RORC: variants seen among roughly 807,000 people sequenced by gnomAD.
The protein encoded by RORC is RAR related orphan receptor C, also known as nuclear receptor ROR-gamma.
Under a neutral mutation model 64.5 loss-of-function variants are expected in RORC, and 13 were observed. The observed-to-expected ratio is 0.20, with a 90% confidence interval of 0.13 to 0.32. RORC has a LOEUF of 0.32. Ranked by LOEUF, RORC falls within the 10% of genes least tolerant of loss-of-function variation. The pLI, the probability that RORC is intolerant of heterozygous loss-of-function variation, is 1.00. For synonymous variants in RORC, 277 were observed against 259.3 expected (o/e 1.07, Z -0.65); for missense variants, 468 against 669.5 (o/e 0.70, Z 3.32).
chr1:151,828,867 T>C (rs961511588), intron 2 of RORC, among the ~76,000 whole-genome samples: 6 of 152,060 alleles, frequency 3.9e-5, no homozygotes, highest in East Asian at 1.9e-4. Flanking sequence ...TAGTCCCAGC[T>C]ACTCGAGAGG....
chr1:151,831,238 A>C, intron 1 of RORC: 4 of 646,122 alleles, frequency 6.2e-6, no homozygotes, highest in Non-Finnish European at 9.1e-6. Context: ...ACACTCCCCA[A>C]GTCTGTCACT....
intron 8 of RORC, 54 bp downstream of exon 8, chr1:151,813,185 C>T: frequency 1.9e-6 from 3 of 1,559,278 alleles, no homozygotes; most frequent in Non-Finnish European, 2.7e-6. Flanking sequence ...GGTCACAAAG[C>T]TTTGCCTGGG....
At chr1:151,824,217 C>T (rs1224634660) in intron 2 of RORC, among the ~76,000 whole-genome samples, 1 of 152,110 alleles carries the variant, frequency 6.6e-6, no homozygotes, top group African/African-American at 2.4e-5. Context: ...CTGTAAATGT[C>T]CAAGTGAGAA....
intron 10 of RORC, 53 bp downstream of exon 10, chr1:151,811,272 G>T: frequency 1.7e-6 from 2 of 1,206,664 alleles, no homozygotes; most frequent in Non-Finnish European, 2.4e-6. Flanking sequence ...AAACTCTGAT[G>T]TTACAGAGCT....
chr1:151,831,423 G>A (rs1298890094), intron 1 of RORC, among the ~76,000 whole-genome samples: 1 of 152,092 alleles, frequency 6.6e-6, no homozygotes, highest in Admixed American at 6.5e-5. Context: ...GCTGGGTCTA[G>A]ATCTGGCTCC....
At chr1:151,815,471 G>A in intron 4 of RORC, 46 bp from the exon 5 acceptor site, 1 of 1,509,900 alleles carries the variant, frequency 6.6e-7, no homozygotes, top group Non-Finnish European at 8.9e-7. Flanking sequence ...AGGAGAACAT[G>A]GCACAGGGCA....
intron 2 of RORC, among the ~76,000 whole-genome samples, chr1:151,821,706 T>C (rs1158289633): frequency 2.6e-5 from 4 of 152,142 alleles, no homozygotes; most frequent in African/African-American, 9.7e-5. Flanking sequence ...TTAAGCTATA[T>C]ACTTTATGAG....
chr1:151,821,139 G>A (rs1021563060), intron 2 of RORC, among the ~76,000 whole-genome samples: 1 of 152,222 alleles, frequency 6.6e-6, no homozygotes. Flanking sequence ...ACAGCTGTGA[G>A]ATTCAATGAT....
intron 2 of RORC, among the ~76,000 whole-genome samples, chr1:151,825,151 G>A (rs1282571437): frequency 6.6e-6 from 1 of 152,172 alleles, no homozygotes; most frequent in African/African-American, 2.4e-5. Context: ...TGTTGGCCCA[G>A]GGCTCCAAGC....
rs969150976 is a variant in RORC at position 151,830,288 on chromosome 1, C to T, written c.41-830G>A. ...TGGGCAGTAGGGAGCATGAGTGGGT[C>T]GATGGGGGTCACATGGATACTCGGA... On this transcript the variant is annotated intron_variant, in intron 1 of 10. Coordinates refer to ENST00000318247, the MANE Select transcript of RORC (RefSeq NM_005060.4). This position sits in a 1 kb window ranked among gnomAD's most constrained non-coding sequence, Gnocchi z 4.0. 4.0e-5 allele frequency among the ~76,000 whole-genome samples: 6 copies of T among 150,322 alleles called. No individual in the cohort carries two copies. Among genetic ancestry groups the T allele is most frequent in the African/African-American group, 7.4e-5 (3 of 40,632 alleles).
Position 151,816,722 on chromosome 1 carries a change from T to C in RORC, c.240A>G (p.Arg80=), listed in dbSNP as rs368393221. 29 of 1,603,512 alleles carry C rather than the reference T, an allele frequency of 1.8e-5. No homozygotes were observed. The African/African-American group carries it at 3.6e-4, about 20-fold the overall frequency. ...QQNCPIDRTS[R]NRCQHCRLQK... is the part of the protein sequence containing the mutation. ...GCAGGCGGCAGTGCTGGCATCGGTT[T>C]CGGCTGGTGCGGTCGATGGGGCAGT... is the stretch of plus-strand genomic sequence containing the variant. Residue 80 remains arginine (R), a synonymous_variant, in exon 4 of 11, where the codon CGA becomes CGG. Transcript: ENST00000318247.
At position 151,807,169 on chromosome 1, in the gene RORC, C is replaced by T; in HGVS notation, c.*303G>A. 3.3e-6 allele frequency: 1 copy of T among 298,832 alleles called. No individual in the cohort carries two copies. Among genetic ancestry groups the T allele is most frequent in the Non-Finnish European group, 6.2e-6 (1 of 160,434 alleles). The allele number at this position is 298,832 out of a possible 1,614,324, so 18.5% of individuals were successfully genotyped here. ...TTTTCTTGAGGATGTCTTGGTCCCC[C>T]AGAAGTCCTTAAATCCCAGCCACCC... On this transcript the variant is annotated 3_prime_UTR_variant, in exon 11 of 11. Transcript: ENST00000318247. The surrounding 1 kb of genome is among the most constrained non-coding windows in gnomAD (Gnocchi z 5.0).
intron 2 of RORC, among the ~76,000 whole-genome samples, chr1:151,824,045 T>A (rs1178889134): frequency 6.6e-6 from 1 of 152,194 alleles, no homozygotes; most frequent in Non-Finnish European, 1.5e-5. Flanking sequence ...TCTGCATCTC[T>A]CCTTATTTCT....
intron 2 of RORC, among the ~76,000 whole-genome samples, chr1:151,826,292 A>T (rs1652194408): frequency 6.6e-6 from 1 of 152,106 alleles, no homozygotes; most frequent in Non-Finnish European, 1.5e-5. Flanking sequence ...CACGCGGTAA[A>T]AGCTGTTTCC....
At chr1:151,822,118 C>T (rs1652015739) in intron 2 of RORC, among the ~76,000 whole-genome samples, 1 of 152,068 alleles carries the variant, frequency 6.6e-6, no homozygotes, top group African/African-American at 2.4e-5. Context: ...TTAGCTTGAG[C>T]TCCTCCTCTC....
chr1:151,811,121 C>T (rs939594), intron 10 of RORC, among the ~76,000 whole-genome samples: 102,323 of 151,938 alleles, frequency 0.67, 35,116 homozygotes, highest in African/African-American at 0.79. Flanking sequence ...CCCTCCCAAT[C>T]CCAGGCCCTC....
At chr1:151,828,693 G>A (rs571533896) in intron 2 of RORC, among the ~76,000 whole-genome samples, 1 of 152,302 alleles carries the variant, frequency 6.6e-6, no homozygotes, top group South Asian at 2.1e-4. Context: ...CACAGAGCTT[G>A]GTGCAGGCTG....
At chr1:151,829,342 A>C (rs1652318297) in intron 2 of RORC, 87 bp downstream of exon 2, 2 of 1,316,486 alleles carry the variant, frequency 1.5e-6, no homozygotes, top group African/African-American at 1.6e-5. Flanking sequence ...CCTCTGTCCA[A>C]CCTCAGTCCC....
In RORC at chr1:151,831,745, C is replaced by T. The variant is rs764892778; in HGVS notation, c.20G>A (p.Arg7Lys). Residue 7 changes from arginine to lysine, a missense_variant, in exon 1 of 11, where the codon AGA (arginine) becomes AAA (lysine). Around this residue, in one of 5 missense-constraint regions of RORC, gnomAD observed 21 missense variants for 20.6 expected, o/e 1.02. Coordinates refer to ENST00000318247, the MANE Select transcript of RORC (RefSeq NM_005060.4). ...CTTACCCCGTGAGGCTCGGTGCTGT[C>T]TCTGTGGGGCCCTGTCCATGGGGCA... is the stretch of plus-strand genomic sequence containing the variant. MDRAPQRQHRASRELLA... is the reference protein window; with the variant it reads MDRAPQKQHRASRELLA... 1.3e-5 allele frequency: 21 copies of T among 1,610,186 alleles called. No individual in the cohort carries two copies. Among genetic ancestry groups the T allele is most frequent in the Non-Finnish European group, 1.7e-5 (20 of 1,179,976 alleles).
Sources: allele counts gnomAD v4.1 joint callset (sites outside exome capture counted in the v4.1 genomes callset), GRCh38; gene constraint gnomAD v4.1.1; regional missense constraint gnomAD v4.1.1; non-coding constraint Gnocchi (gnomAD v3.1); transcripts MANE v1.5; gene names NCBI Gene and HGNC (gene_info 2026-07-23, HGNC 2026-07-21).